Variants in SAMD4A observed in about 807,000 individuals in gnomAD.
The protein encoded by SAMD4A is protein Smaug homolog 1.
A neutral mutation model predicts 81.3 loss-of-function variants in SAMD4A; 33 were observed. That is an observed-to-expected ratio of 0.41 (90% CI 0.31 to 0.54). SAMD4A has a LOEUF of 0.54. Ranked by LOEUF, SAMD4A falls within the 20% of genes least tolerant of loss-of-function variation. SAMD4A has a pLI of 0.37. For synonymous variants in SAMD4A, 389 were observed against 382.1 expected, an observed-to-expected ratio of 1.02 and a Z score of -0.21; for missense variants, 854 against 951.1, an observed-to-expected ratio of 0.90 and a Z score of 1.34.
At position 54,715,793 on chromosome 14, in the gene SAMD4A, A is replaced by C. The variant is rs557837203; in HGVS notation, c.715+13213A>C. Among the ~76,000 whole-genome samples the C allele has an allele frequency of 1.4e-3, 217 of 152,318 alleles. 1 individual carries two copies. Among genetic ancestry groups the C allele is most frequent in the African/African-American group, 5.0e-3 (209 of 41,580 alleles). On this transcript the variant is annotated intron_variant, in intron 3 of 12. Coordinates refer to ENST00000554335, the MANE Select transcript of SAMD4A (RefSeq NM_015589.6). ...TAAATAAGGGGTGATCTGATAATTT[A>C]GAAACGTATTAGAGTTTATTAATAG...
At chr14:54,749,628 G>A (rs868342703) in intron 5 of SAMD4A, among the ~76,000 whole-genome samples, 6 of 152,048 alleles carry the variant, frequency 3.9e-5, no homozygotes, top group African/African-American at 9.7e-5. Flanking sequence ...ATCTTTCCCC[G>A]ATGTGGATGC....
rs533137672 is a variant in SAMD4A at position 54,743,784 on chromosome 14, G to A, written c.980-5031G>A. Among the ~76,000 whole-genome samples, 25 of 152,322 alleles carry A rather than the reference G, an allele frequency of 1.6e-4. No homozygotes were observed. The East Asian group carries it at 4.2e-3, about 26-fold the overall frequency. On this transcript the variant is annotated intron_variant, in intron 4 of 12. Transcript: ENST00000554335. ...TTCCCAGTATCAAGGAGCACACTGA[G>A]GAGGATCCAGCTCCAACGAGGCCCA...
intron 2 of SAMD4A, among the ~76,000 whole-genome samples, chr14:54,589,201 T>G (rs1012989032): frequency 6.6e-6 from 1 of 152,162 alleles, no homozygotes; most frequent in Non-Finnish European, 1.5e-5. Flanking sequence ...AACGATTCAT[T>G]GTGGGTGAAA....
intron 3 of SAMD4A, among the ~76,000 whole-genome samples, chr14:54,725,629 TAGC>T (rs1325135916): frequency 6.6e-6 from 1 of 152,204 alleles, no homozygotes; most frequent in African/African-American, 2.4e-5. Flanking sequence ...ATTTTTCCAT[TAGC>T]AGTGTTGGTT....
intron 2 of SAMD4A, among the ~76,000 whole-genome samples, chr14:54,594,224 C>T (rs1351277977): frequency 6.6e-6 from 1 of 152,072 alleles, no homozygotes; most frequent in Non-Finnish European, 1.5e-5. Context: ...TTCTTTCTGC[C>T]TATTAAGTGT....
At chr14:54,734,212 T>G (rs1414241614) in intron 3 of SAMD4A, among the ~76,000 whole-genome samples, 5 of 152,236 alleles carry the variant, frequency 3.3e-5, no homozygotes, top group Non-Finnish European at 1.5e-5. Flanking sequence ...CAGGCCTTGG[T>G]TCCTTTGGAG....
intron 12 of SAMD4A, among the ~76,000 whole-genome samples, chr14:54,785,568 T>C (rs753715915): frequency 4.6e-5 from 7 of 152,140 alleles, no homozygotes; most frequent in Non-Finnish European, 8.8e-5. Context: ...GCGATAGCCC[T>C]ATCCAGTCTA....
At position 54,665,663 on chromosome 14, in the gene SAMD4A, C is replaced by G. The variant is rs1349851818; in HGVS notation, c.197-36399C>G. On this transcript the variant is annotated intron_variant, in intron 2 of 12. Transcript: ENST00000554335. ...GAAAGATGAATGGCCACAGAGATCTCCAGGTAGAATTGGTTGGATTTCCTC... is the reference window on the plus strand; with the variant it reads ...GAAAGATGAATGGCCACAGAGATCTGCAGGTAGAATTGGTTGGATTTCCTC... Among the ~76,000 whole-genome samples the G allele has an allele frequency of 3.9e-5, 6 of 152,282 alleles. No homozygotes were observed. In the East Asian group the frequency reaches 9.7e-4, roughly 24 times the overall value.
chr14:54,605,621 A>C (rs1420267359), intron 2 of SAMD4A, among the ~76,000 whole-genome samples: 1 of 152,172 alleles, frequency 6.6e-6, no homozygotes, highest in Non-Finnish European at 1.5e-5. Context: ...ATCCTGCTAA[A>C]GGTTTGAGTT....
intron 2 of SAMD4A, among the ~76,000 whole-genome samples, chr14:54,578,219 A>G (rs987078386): frequency 3.9e-5 from 6 of 152,328 alleles, no homozygotes; most frequent in Non-Finnish European, 4.4e-5. Flanking sequence ...CACTGTAGGA[A>G]TTTAGTGTCT....
chr14:54,763,662 T>G (rs2038462749), intron 7 of SAMD4A, among the ~76,000 whole-genome samples: 1 of 152,100 alleles, frequency 6.6e-6, no homozygotes. Flanking sequence ...TCTCCTTGAG[T>G]GTCAGACATT....
At chr14:54,702,730 C>T in intron 3 of SAMD4A, 150 bp downstream of exon 3, 1 of 909,276 alleles carries the variant, frequency 1.1e-6, no homozygotes, top group Non-Finnish European at 1.7e-6. Flanking sequence ...TCCTTTGGAC[C>T]CCATATTTGT....
At chr14:54,598,206 C>G (rs1464706881) in intron 2 of SAMD4A, among the ~76,000 whole-genome samples, 1 of 152,168 alleles carries the variant, frequency 6.6e-6, no homozygotes, top group Non-Finnish European at 1.5e-5. Context: ...ATGACACAGT[C>G]AGCGTTCAAA....
intron 2 of SAMD4A, among the ~76,000 whole-genome samples, chr14:54,572,529 C>G (rs2033159110): frequency 6.6e-6 from 1 of 152,184 alleles, no homozygotes; most frequent in African/African-American, 2.4e-5. Flanking sequence ...GCATTATCTT[C>G]TAAGGGCAGC....
intron 5 of SAMD4A, among the ~76,000 whole-genome samples, chr14:54,750,062 G>C (rs1034141798): frequency 4.6e-5 from 7 of 152,114 alleles, no homozygotes; most frequent in Admixed American, 1.3e-4. Flanking sequence ...GATCTTGATT[G>C]CTCCTTGAAA....
At chr14:54,767,085 G>A (rs764620871) in intron 8 of SAMD4A, among the ~76,000 whole-genome samples, 2 of 152,106 alleles carry the variant, frequency 1.3e-5, no homozygotes, top group Non-Finnish European at 2.9e-5. Flanking sequence ...AGGGGCCTGC[G>A]TGCTGCTTTG....
intron 6 of SAMD4A, among the ~76,000 whole-genome samples, chr14:54,757,692 C>T (rs1266052463): frequency 6.6e-6 from 1 of 152,196 alleles, no homozygotes. Context: ...ATCACCCCAG[C>T]GTGGCTTTCC....
intron 3 of SAMD4A, among the ~76,000 whole-genome samples, chr14:54,715,396 C>T (rs1370096334): frequency 1.3e-5 from 2 of 152,026 alleles, no homozygotes; most frequent in South Asian, 2.1e-4. Flanking sequence ...TCATTTTGGG[C>T]TGGGTGGGGG....
intron 4 of SAMD4A, among the ~76,000 whole-genome samples, chr14:54,741,777 GC>G (rs2037849653): frequency 6.6e-6 from 1 of 152,192 alleles, no homozygotes; most frequent in Admixed American, 6.5e-5. Context: ...CTACAGGTCA[GC>G]CAAATAGTAA....
Sources: allele counts gnomAD v4.1 joint callset (sites outside exome capture counted in the v4.1 genomes callset), GRCh38; gene constraint gnomAD v4.1.1; transcripts MANE v1.5; gene names NCBI Gene and HGNC (gene_info 2026-07-23, HGNC 2026-07-21).